The following TDG variants were observed in gnomAD, a reference collection of about 807,000 sequenced individuals.
TDG encodes the protein thymine DNA glycosylase, also known as G/T mismatch-specific thymine DNA glycosylase.
Under a neutral mutation model 46.1 loss-of-function variants are expected in TDG, and 23 were observed. That is an observed-to-expected ratio of 0.50 (90% CI 0.36 to 0.71). TDG has a LOEUF of 0.71. TDG is among the 30% of genes least tolerant of loss of function. The pLI is 0.00. For synonymous variants in TDG, 115 were observed against 161.3 expected (o/e 0.71, Z 2.18); for missense variants, 304 against 486.7 (o/e 0.62, Z 3.53).
chr12:103,969,115 A>G (rs1333029461), intron 1 of TDG, among the ~76,000 whole-genome samples: 1 of 152,196 alleles, frequency 6.6e-6, no homozygotes, highest in African/African-American at 2.4e-5. Flanking sequence ...ATTATAGCAA[A>G]TTTATTATAT....
intron 1 of TDG, among the ~76,000 whole-genome samples, chr12:103,973,245 C>T (rs1166316184): frequency 6.6e-6 from 1 of 152,022 alleles, no homozygotes; most frequent in East Asian, 1.9e-4. Context: ...GCCACCACAC[C>T]CAGCTAATTT....
chr12:103,971,691 A>C (rs1871290344), intron 1 of TDG, among the ~76,000 whole-genome samples: 1 of 152,202 alleles, frequency 6.6e-6, no homozygotes, highest in African/African-American at 2.4e-5. Flanking sequence ...GTAGTGAAGA[A>C]TATTTGAGAC....
chr12:103,983,896 AAC>A (rs1180701895), intron 7 of TDG, among the ~76,000 whole-genome samples: 1 of 152,222 alleles, frequency 6.6e-6, no homozygotes, highest in Non-Finnish European at 1.5e-5. Flanking sequence ...ATCATGAAAT[AAC>A]AGTGTTTTTC....
At chr12:103,971,607 T>C (rs1871286763) in intron 1 of TDG, among the ~76,000 whole-genome samples, 1 of 151,792 alleles carries the variant, frequency 6.6e-6, no homozygotes, top group South Asian at 2.1e-4. Flanking sequence ...AGCGCTGCAG[T>C]TCAACAGAAG....
chr12:103,984,984 C>CGT (rs1555275175), intron 8 of TDG, 64 bp downstream of exon 8: 8 of 1,259,452 alleles, frequency 6.4e-6, no homozygotes, highest in Middle Eastern at 4.3e-4. Context: ...TATATACTTA[C>CGT]ATATATATAC....
At chr12:103,966,667 A>T (rs200652114) in intron 1 of TDG, among the ~76,000 whole-genome samples, 5 of 9,214 alleles carry the variant, frequency 5.4e-4, no homozygotes, top group African/African-American at 2.1e-3. Flanking sequence ...GGGGGAGTCA[A>T]GAGAAAAATT....
chr12:103,979,397 C>A (rs990070912), intron 2 of TDG, among the ~76,000 whole-genome samples: 2 of 152,146 alleles, frequency 1.3e-5, no homozygotes, highest in African/African-American at 4.8e-5. Context: ...AGCCACCATA[C>A]CTGGCCCATT....
intron 9 of TDG, among the ~76,000 whole-genome samples, chr12:103,985,998 C>T (rs776092614): frequency 6.6e-6 from 1 of 152,178 alleles, no homozygotes; most frequent in Non-Finnish European, 1.5e-5. Context: ...TGGCTCACTG[C>T]AAGCTCCCCC....
At chr12:103,974,081 G>A (rs1041635730) in intron 1 of TDG, among the ~76,000 whole-genome samples, 1 of 152,138 alleles carries the variant, frequency 6.6e-6, no homozygotes, top group African/African-American at 2.4e-5. Flanking sequence ...TTGGGCTTCT[G>A]TTTATCTTGA....
intron 7 of TDG, 44 bp downstream of exon 7, chr12:103,983,433 T>G (rs1249248763): frequency 2.1e-6 from 3 of 1,401,730 alleles, no homozygotes; most frequent in Non-Finnish European, 2.9e-6. Flanking sequence ...AAATGTGAAT[T>G]TTTTTCTAGA....
intron 1 of TDG, among the ~76,000 whole-genome samples, chr12:103,973,781 T>C (rs920919369): frequency 1.3e-5 from 2 of 152,382 alleles, no homozygotes; most frequent in South Asian, 2.1e-4. Context: ...GCCTTAGTTA[T>C]ACTATTTTGT....
At position 103,987,118 on chromosome 12, in the gene TDG, T is replaced by C. The variant is rs201638627; in HGVS notation, c.*28T>C. On this transcript the variant is annotated 3_prime_UTR_variant, in exon 10 of 10. Transcript: ENST00000392872. ...ATGGTGCTTCTCAGCTCTGCTTAAATGCTGCAGTTTTAATGCAGTTGTCAA... is the reference window on the plus strand; with the variant it reads ...ATGGTGCTTCTCAGCTCTGCTTAAACGCTGCAGTTTTAATGCAGTTGTCAA... 178 of 1,606,954 alleles carry C rather than the reference T, an allele frequency of 1.1e-4. No individual in the cohort carries two copies. In the East Asian group the frequency reaches 4.0e-3, roughly 36 times the overall value.
chr12:103,967,449 A>T (rs1222381466), intron 1 of TDG, among the ~76,000 whole-genome samples: 1 of 143,960 alleles, frequency 6.9e-6, no homozygotes, highest in African/African-American at 2.6e-5. Context: ...GAAAAAAAAT[A>T]AATTTACTTT....
chr12:103,965,974 A>G lies in TDG; in HGVS notation c.-64A>G, dbSNP rs1593503754. On this transcript the variant is annotated 5_prime_UTR_variant, in exon 1 of 10. Transcript: ENST00000392872. ...CTTACCGCAGTGAGTACCACGCGGT[A>G]CTACAGAGACCGGCTGCCCGTGTGC... 3.8e-6 allele frequency: 6 copies of G among 1,571,944 alleles called. No individual in the cohort carries two copies. The highest frequency in any genetic ancestry group is 5.2e-6 in the Non-Finnish European group (6 of 1,159,256).
intron 1 of TDG, among the ~76,000 whole-genome samples, chr12:103,966,391 C>T (rs375464651): frequency 1.7e-4 from 26 of 152,308 alleles, no homozygotes; most frequent in African/African-American, 5.5e-4. Flanking sequence ...GAAGGGTTTT[C>T]CGTCACCCTC....
chr12:103,980,947 C>T lies in TDG; in HGVS notation c.463C>T (p.Pro155Ser), dbSNP rs763598283. Residue 155 changes from proline to serine, a missense_variant, in exon 4 of 10, where the codon CCT (proline) becomes TCT (serine). Transcript: ENST00000392872. ...TTACAAAGGGCATCATTACCCTGGACCTGGAAACCATTTTTGTAAGTGGTT... is the reference window on the plus strand; with the variant it reads ...TTACAAAGGGCATCATTACCCTGGATCTGGAAACCATTTTTGTAAGTGGTT... ...AAYKGHHYPG[P>S]GNHFWKCLFM... 3.1e-6 allele frequency: 5 copies of T among 1,612,998 alleles called. No homozygotes were observed. Among genetic ancestry groups the T allele is most frequent in the Non-Finnish European group, 4.2e-6 (5 of 1,179,840 alleles).
intron 1 of TDG, among the ~76,000 whole-genome samples, chr12:103,975,338 A>G (rs1330590208): frequency 6.6e-6 from 1 of 152,154 alleles, no homozygotes; most frequent in Non-Finnish European, 1.5e-5. Context: ...CAAAATATCC[A>G]TTTCATGTTT....
At chr12:103,968,231 TC>T (rs1871143483) in intron 1 of TDG, among the ~76,000 whole-genome samples, 1 of 152,146 alleles carries the variant, frequency 6.6e-6, no homozygotes, top group South Asian at 2.1e-4. Flanking sequence ...CTGGGGAGTT[TC>T]CCGTGACCTC....
intron 1 of TDG, among the ~76,000 whole-genome samples, chr12:103,974,863 T>C (rs999457532): frequency 6.6e-6 from 1 of 150,724 alleles, no homozygotes; most frequent in Admixed American, 6.7e-5. Flanking sequence ...TAGTCCCAGC[T>C]ACTCGGGAGG....
Sources: allele counts gnomAD v4.1 joint callset (sites outside exome capture counted in the v4.1 genomes callset), GRCh38; gene constraint gnomAD v4.1.1; transcripts MANE v1.5; gene names NCBI Gene and HGNC (gene_info 2026-07-23, HGNC 2026-07-21).